CHD4: variants seen among roughly 807,000 people sequenced by gnomAD.
CHD4 encodes the protein ATP-dependent chromatin remodeler CHD4.
CHD4 carries 35 observed loss-of-function variants against 235.5 expected under a neutral mutation model. The observed-to-expected ratio is 0.15, with a 90% confidence interval of 0.11 to 0.20. The LOEUF is 0.20. CHD4 is among the 10% of genes least tolerant of loss of function. CHD4 has a pLI of 1.00. For synonymous variants in CHD4, 900 were observed against 850.2 expected, an observed-to-expected ratio of 1.06 and a Z score of -1.02; for missense variants, 1,329 against 2,432.3, an observed-to-expected ratio of 0.55 and a Z score of 9.54.
Position 6,581,143 on chromosome 12 carries a change from CCT to C in CHD4, c.4808_4809del (p.Glu1603GlyfsTer2). On this transcript the variant is annotated frameshift_variant, in exon 33 of 40. Coordinates refer to ENST00000544040, the MANE Select transcript of CHD4 (RefSeq NM_001273.5). LOFTEE classifies it high-confidence loss of function. ...GGGGGTTCAACAACGACCTTTTCAT[CCT>C]CTGAGGCAGGGGCAGGGGCCTGTGT... ...ECTQAPAPASEDEKVVVEPPE... is the reference protein window; with the variant it reads ...ECTQAPAPASXDEKVVVEPPE... 1 of 1,614,162 alleles carries C rather than the reference CCT, an allele frequency of 6.2e-7. No individual in the cohort carries two copies. Among genetic ancestry groups the C allele is most frequent in the Non-Finnish European group, 8.5e-7 (1 of 1,180,034 alleles).
At chr12:6,587,972 G>C (rs1324213986) in intron 23 of CHD4, 23 bp from the exon 24 acceptor site, 2 of 1,599,642 alleles carry the variant, frequency 1.3e-6, no homozygotes, top group Non-Finnish European at 1.7e-6. Context: ...AGGAAATAAA[G>C]CCAGAAATTG....
At chr12:6,590,699 C>T (rs10774438) in intron 22 of CHD4, among the ~76,000 whole-genome samples, 40,631 of 151,898 alleles carry the variant, frequency 0.27, 6,880 homozygotes, top group African/African-American at 0.49. Flanking sequence ...ATCAAGCCTA[C>T]AGCCCCAGCT....
intron 22 of CHD4, chr12:6,590,232 TAAAG>T (rs1948370301): frequency 6.6e-6 from 1 of 151,752 alleles, no homozygotes; most frequent in African/African-American, 2.4e-5. Flanking sequence ...TATAAGAAAA[TAAAG>T]AAATGTCACA....
intron 22 of CHD4, among the ~76,000 whole-genome samples, chr12:6,590,612 A>C (rs1046175135): frequency 1.3e-5 from 2 of 152,150 alleles, no homozygotes; most frequent in Non-Finnish European, 2.9e-5. Context: ...TGAGCCCAGA[A>C]CTTTGTGATC....
At chr12:6,592,978 G>A in intron 17 of CHD4, 113 bp downstream of exon 17, 3 of 1,527,736 alleles carry the variant, frequency 2.0e-6, no homozygotes, top group Admixed American at 1.8e-5. Flanking sequence ...AAGGAAGGAA[G>A]GCAGAGACAA....
chr12:6,575,087 C>G (rs1354452194), intron 37 of CHD4, among the ~76,000 whole-genome samples: 1 of 151,748 alleles, frequency 6.6e-6, no homozygotes, highest in Non-Finnish European at 1.5e-5. Flanking sequence ...TTTCACACAA[C>G]AAAGATGGAG....
intron 22 of CHD4, chr12:6,591,122 C>CA (rs35011913): frequency 0.26 from 6,731 of 25,492 alleles, 1,838 homozygotes; most frequent in Non-Finnish European, 0.45. Context: ...GACTCCATCT[C>CA]AAAAAAAAAA....
At position 6,594,457 on chromosome 12, in the gene CHD4, A is replaced by G. The variant is rs751534948; in HGVS notation, c.2313+2T>C. 3.1e-6 allele frequency: 5 copies of G among 1,602,066 alleles called. No homozygotes were observed. In the South Asian group the frequency reaches 5.6e-5, roughly 18 times the overall value. Reference sequence around the variant, plus strand: ...AAAACTATCCACCCCAGATTTCCTTACCTCCTTGTAAAGGGAATACAGGAA... The same window carrying G: ...AAAACTATCCACCCCAGATTTCCTTGCCTCCTTGTAAAGGGAATACAGGAA... On this transcript the variant is annotated splice_donor_variant, in intron 15 of 39. Transcript: ENST00000544040. LOFTEE classifies it high-confidence loss of function.
chr12:6,605,562 A>G (rs996546676), intron 2 of CHD4, among the ~76,000 whole-genome samples: 1 of 152,180 alleles, frequency 6.6e-6, no homozygotes, highest in Non-Finnish European at 1.5e-5. Context: ...AGGCTACCTC[A>G]TAGAGACAGA....
At position 6,597,992 on chromosome 12, in the gene CHD4, T is replaced by C; in HGVS notation, c.1794A>G (p.Arg598=). ...FGGDEEKSRK[R]KNKDPKFAEM... ...CTGCAAATTTAGGGTCCTTGTTCTTTCGCTTTCGGCTTTTCTCTTCATCAC... is the reference window on the plus strand; with the variant it reads ...CTGCAAATTTAGGGTCCTTGTTCTTCCGCTTTCGGCTTTTCTCTTCATCAC... Residue 598 remains arginine, a synonymous_variant, in exon 12 of 40, where the codon CGA becomes CGG. Coordinates refer to ENST00000544040, the MANE Select transcript of CHD4 (RefSeq NM_001273.5). 2 of 1,614,248 alleles carry C rather than the reference T, an allele frequency of 1.2e-6. No individual in the cohort carries two copies. The highest frequency in any genetic ancestry group is 2.2e-5 in the South Asian group (2 of 91,088).
At chr12:6,604,571 C>T (rs1249310724) in intron 2 of CHD4, among the ~76,000 whole-genome samples, 2 of 152,010 alleles carry the variant, frequency 1.3e-5, no homozygotes, top group Admixed American at 6.6e-5. Flanking sequence ...AAGTCAACCC[C>T]CAACCCCCAT....
intron 10 of CHD4, among the ~76,000 whole-genome samples, chr12:6,598,713 G>A (rs1948540582): frequency 6.6e-6 from 1 of 152,190 alleles, no homozygotes; most frequent in Admixed American, 6.5e-5. Flanking sequence ...GGAGTCTGAG[G>A]CAGGAGAATC....
chr12:6,584,651 T>C (rs1428639427), intron 25 of CHD4: 1 of 152,232 alleles, frequency 6.6e-6, no homozygotes, highest in Non-Finnish European at 1.5e-5. Flanking sequence ...CCCAAAGTAC[T>C]GGGATTCTAG....
intron 37 of CHD4, among the ~76,000 whole-genome samples, chr12:6,574,906 T>C (rs919006481): frequency 5.3e-5 from 8 of 152,252 alleles, no homozygotes; most frequent in African/African-American, 1.9e-4. Context: ...TGTTTTTATA[T>C]GGCTCAAGAG....
rs1483108678 is a variant in CHD4, at chr12:6,600,689, TAAG to T, written c.928-23_928-21del. On this transcript the variant is annotated intron_variant, in intron 7 of 39. Transcript: ENST00000544040. Reference sequence around the variant, plus strand: ...CTCACTCTGGCAGGATGAAAAAGAATAAGGTTAGACGTTCAAGCCAAGGGGAAG... The same window carrying T: ...CTCACTCTGGCAGGATGAAAAAGAATGTTAGACGTTCAAGCCAAGGGGAAG... The T allele has an allele frequency of 1.2e-6, 2 of 1,613,432 alleles. No homozygotes were observed. Among genetic ancestry groups the T allele is most frequent in the Admixed American group, 3.3e-5 (2 of 59,896 alleles).
chr12:6,592,343 C>CA, intron 19 of CHD4, 50 bp downstream of exon 19: 1 of 1,532,782 alleles, frequency 6.5e-7, no homozygotes, highest in Non-Finnish European at 8.8e-7. Flanking sequence ...AAACACTCTG[C>CA]AGACTGGCAG....
At position 6,600,673 on chromosome 12, in the gene CHD4, G is replaced by A. The variant is rs1313729004; in HGVS notation, c.928-4C>T. 4 of 1,613,668 alleles carry A rather than the reference G, an allele frequency of 2.5e-6. No individual in the cohort carries two copies. Among genetic ancestry groups the A allele is most frequent in the East Asian group, 4.5e-5 (2 of 44,884 alleles). On this transcript the variant is annotated splice_region_variant and splice_polypyrimidine_tract_variant and intron_variant, in intron 7 of 39. Transcript: ENST00000544040. ...CATCTAAGTCATCATCCTCACTCTG[G>A]CAGGATGAAAAAGAATAAGGTTAGA...
Position 6,596,115 on chromosome 12 carries a change from G to A in CHD4, c.1915C>T (p.His639Tyr), listed in dbSNP as rs1052367083. The A allele has an allele frequency of 5.0e-6, 8 of 1,613,842 alleles. No individual in the cohort carries two copies. The highest frequency in any genetic ancestry group is 2.7e-5 in the African/African-American group (2 of 74,880). ...NHSVDKKGHV[H>Y]YLIKWRDLPY... Reference sequence around the variant, plus strand: ...AAGTCCCGCCACTTGATCAAGTAGTGGACGTGGCCCTTCTTGTCCACACTG... The same window carrying A: ...AAGTCCCGCCACTTGATCAAGTAGTAGACGTGGCCCTTCTTGTCCACACTG... The change falls in exon 13 of 40, where the codon CAC becomes TAC. Residue 639 changes from histidine to tyrosine, a missense_variant. Transcript: ENST00000544040.
At chr12:6,594,063 G>C (rs1948444603) in intron 15 of CHD4, among the ~76,000 whole-genome samples, 2 of 152,142 alleles carry the variant, frequency 1.3e-5, no homozygotes, top group Non-Finnish European at 2.9e-5. Context: ...TCGAACTCCT[G>C]ACCTCAGGTG....
Sources: allele counts gnomAD v4.1 joint callset (sites outside exome capture counted in the v4.1 genomes callset), GRCh38; gene constraint gnomAD v4.1.1; transcripts MANE v1.5; gene names NCBI Gene and HGNC (gene_info 2026-07-23, HGNC 2026-07-21).